RANBP2: variants seen among roughly 807,000 people sequenced by gnomAD.
RANBP2 encodes E3 SUMO-protein ligase RanBP2.
Under a neutral mutation model 303.6 loss-of-function variants are expected in RANBP2, and 57 were observed. The ratio of observed to expected loss-of-function variants is 0.19; its 90% CI spans 0.15 to 0.23. RANBP2 has a LOEUF of 0.23. Ranked by LOEUF, RANBP2 falls within the 10% of genes least tolerant of loss-of-function variation. The probability of loss-of-function intolerance (pLI) is 1.00; values close to 1 mark genes in which losing one functional copy is unlikely to be tolerated. For synonymous variants in RANBP2, 1,167 were observed against 1,301.5 expected, an observed-to-expected ratio of 0.90 and a Z score of 2.23; for missense variants, 3,138 against 3,780.8, an observed-to-expected ratio of 0.83 and a Z score of 4.46.
At chr2:109,294,560 CA>C in the RANBP2 span, among the ~76,000 whole-genome samples, 5,690 of 100,606 alleles carry the variant, frequency 0.057, 262 homozygotes, top group African/African-American at 0.15. Flanking sequence ...GACTCAGTCT[CA>C]AAAAAAAAAA....
chr2:109,349,565 G>A, the RANBP2 span, among the ~76,000 whole-genome samples: 1 of 152,170 alleles, frequency 6.6e-6, no homozygotes, highest in African/African-American at 2.4e-5. Flanking sequence ...CCAAGAGCAG[G>A]GACCTCTGAA....
the RANBP2 span, among the ~76,000 whole-genome samples, chr2:108,834,750 T>C: frequency 6.6e-6 from 1 of 152,200 alleles, no homozygotes. Context: ...TAACAATATC[T>C]TCCCATTCCT....
chr2:109,354,185 C>T, the RANBP2 span, among the ~76,000 whole-genome samples: 293 of 152,340 alleles, frequency 1.9e-3, 2 homozygotes, highest in African/African-American at 6.9e-3. Flanking sequence ...CTCCCTGCGA[C>T]ACAGAGTGGG....
the RANBP2 span, among the ~76,000 whole-genome samples, chr2:109,476,088 G>T: frequency 1.3e-5 from 2 of 152,178 alleles, no homozygotes; most frequent in African/African-American, 4.8e-5. Flanking sequence ...TTGTAAGAGG[G>T]CAGATCTCAG....
At chr2:109,437,945 CAA>C in the RANBP2 span, among the ~76,000 whole-genome samples, 16 of 152,278 alleles carry the variant, frequency 1.1e-4, no homozygotes, top group East Asian at 2.9e-3. Context: ...TACCCCAGGA[CAA>C]GAGGGGATAA....
chr2:108,901,535 A>C, the RANBP2 span, among the ~76,000 whole-genome samples: 1 of 152,348 alleles, frequency 6.6e-6, no homozygotes, highest in South Asian at 2.1e-4. Flanking sequence ...GAAAAGAGAC[A>C]GTTATTTGAA....
chr2:109,576,815 C>A, the RANBP2 span, among the ~76,000 whole-genome samples: 3 of 151,584 alleles, frequency 2.0e-5, no homozygotes, highest in Admixed American at 1.3e-4. Context: ...TGAATCAGAG[C>A]GATTAAGAGT....
chr2:109,622,225 T>G, the RANBP2 span, among the ~76,000 whole-genome samples: 1 of 152,220 alleles, frequency 6.6e-6, no homozygotes, highest in African/African-American at 2.4e-5. Flanking sequence ...TAGCTGCTAC[T>G]TGCCCAAGGT....
At chr2:109,159,758 A>G in the RANBP2 span, among the ~76,000 whole-genome samples, 1 of 152,214 alleles carries the variant, frequency 6.6e-6, no homozygotes, top group African/African-American at 2.4e-5. Context: ...TTCTCACAGG[A>G]GCACAAACCT....
At chr2:109,518,937 T>C in the RANBP2 span, among the ~76,000 whole-genome samples, 1 of 146,340 alleles carries the variant, frequency 6.8e-6, no homozygotes, top group Non-Finnish European at 1.5e-5. Context: ...TTTTTTTTTT[T>C]TGAGGGAGTC....
chr2:109,124,753 T>C, the RANBP2 span: 1 of 152,258 alleles, frequency 6.6e-6, no homozygotes, highest in African/African-American at 2.4e-5. Flanking sequence ...ACTTCCAATC[T>C]TGTGTCTCCC....
chr2:109,376,215 A>G, the RANBP2 span, among the ~76,000 whole-genome samples: 5 of 152,344 alleles, frequency 3.3e-5, no homozygotes, highest in South Asian at 8.3e-4. Flanking sequence ...GGTTAGCTGA[A>G]TGGGTTTGAA....
chr2:109,432,154 C>G, the RANBP2 span, among the ~76,000 whole-genome samples: 1 of 152,144 alleles, frequency 6.6e-6, no homozygotes, highest in Non-Finnish European at 1.5e-5. Context: ...AAGAGCTGGC[C>G]CTGGGATGCA....
At chr2:108,931,172 C>T in the RANBP2 span, 1 of 752,328 alleles carries the variant, frequency 1.3e-6, no homozygotes, top group Non-Finnish European at 2.3e-6. Context: ...GAAAAGCAGA[C>T]ATGAAGCTGA....
intron 7 of RANBP2, among the ~76,000 whole-genome samples, chr2:108,745,738 A>G (rs1387547770): frequency 3.3e-5 from 5 of 151,964 alleles, no homozygotes; most frequent in South Asian, 2.1e-4. Flanking sequence ...TTTCACCTGT[A>G]CTTTTTAAAG....
the RANBP2 span, among the ~76,000 whole-genome samples, chr2:109,078,035 T>C: frequency 4.5e-5 from 6 of 133,982 alleles, 1 homozygote; most frequent in Admixed American, 7.8e-5. Context: ...TTACTCATAA[T>C]AGCCAAGATA....
the RANBP2 span, among the ~76,000 whole-genome samples, chr2:109,202,723 C>T: frequency 1.3e-5 from 2 of 152,206 alleles, no homozygotes; most frequent in African/African-American, 2.4e-5. Context: ...TCTGGAAACG[C>T]CACGGCCTTC....
At chr2:109,523,049 C>T in the RANBP2 span, among the ~76,000 whole-genome samples, 1 of 152,152 alleles carries the variant, frequency 6.6e-6, no homozygotes, top group South Asian at 2.1e-4. Context: ...TGGTCTACCC[C>T]TCGGAGTCTT....
chr2:109,078,184 C>CAT, the RANBP2 span, among the ~76,000 whole-genome samples: 1 of 60,934 alleles, frequency 1.6e-5, no homozygotes, highest in African/African-American at 6.1e-5. Context: ...ATATATATAG[C>CAT]ATATATATAT....
Sources: gnomAD v4.1 joint callset for allele counts (sites outside exome capture counted in the v4.1 genomes callset) on GRCh38, gnomAD v4.1.1 for gene constraint, MANE v1.5 for transcripts, NCBI Gene and HGNC (gene_info 2026-07-23, HGNC 2026-07-21) for gene names.